Variants in NF1 observed in about 807,000 individuals in gnomAD.
NF1 encodes neurofibromin.
NF1 carries 122 observed loss-of-function variants against 325.7 expected under a neutral mutation model. The observed-to-expected ratio is 0.37, with a 90% CI of 0.32 to 0.44. The LOEUF (loss-of-function observed/expected upper bound fraction) is 0.44. Among genes scored for constraint, NF1 ranks in the 20% least tolerant of loss-of-function variants. The probability of loss-of-function intolerance (pLI) is 1.00; values close to 1 mark genes in which losing one functional copy is unlikely to be tolerated. For missense variants in NF1, 2,140 were observed against 3,415.4 expected (o/e 0.63, Z 9.31); for synonymous variants, 1,091 against 1,186.0 (o/e 0.92, Z 1.65).
intron 1 of NF1, among the ~76,000 whole-genome samples, chr17:31,115,626 G>C (rs1446852070): frequency 3.3e-5 from 5 of 152,172 alleles, no homozygotes; most frequent in Admixed American, 3.3e-4. Flanking sequence ...TAGACCAGCT[G>C]CTTCTGGGTG....
intron 13 of NF1, among the ~76,000 whole-genome samples, chr17:31,214,790 C>A (rs529037270): frequency 6.6e-6 from 1 of 152,272 alleles, no homozygotes; most frequent in East Asian, 1.9e-4. Flanking sequence ...TTGCCCTTAT[C>A]ATTTCCTAAC....
At chr17:31,284,212 C>T (rs200096767) in intron 36 of NF1, among the ~76,000 whole-genome samples, 3 of 152,022 alleles carry the variant, frequency 2.0e-5, no homozygotes, top group African/African-American at 7.3e-5. Context: ...AGCAATTCTC[C>T]TGCCTCAGCC....
At chr17:31,097,438 A>G (rs1241478532) in intron 1 of NF1, among the ~76,000 whole-genome samples, 1 of 143,756 alleles carries the variant, frequency 7.0e-6, no homozygotes, top group Non-Finnish European at 1.5e-5. Context: ...AGCCTGGGCG[A>G]CAGAGCGAGA....
intron 5 of NF1, among the ~76,000 whole-genome samples, chr17:31,176,999 G>A (rs539327809): frequency 2.0e-5 from 3 of 152,210 alleles, no homozygotes; most frequent in South Asian, 2.1e-4. Context: ...CTCTTTTCTG[G>A]TTTCATATGA....
intron 1 of NF1, among the ~76,000 whole-genome samples, chr17:31,124,305 T>A (rs1324521149): frequency 6.6e-6 from 1 of 151,996 alleles, no homozygotes; most frequent in Non-Finnish European, 1.5e-5. Flanking sequence ...CCCCAAGGAA[T>A]CCTCTTACCT....
In NF1 at chr17:31,195,820, A is replaced by G. The variant is rs200971847; in HGVS notation, c.889-4602A>G. On this transcript the variant is annotated intron_variant, in intron 8 of 57. Coordinates refer to ENST00000358273, the MANE Select transcript of NF1 (RefSeq NM_001042492.3). ...GTATATATATACCAACATTTTATTT[A>G]TCTAAATTCATCTGCCAATGGATTT... Among the ~76,000 whole-genome samples the G allele has an allele frequency of 2.0e-4, 31 of 152,006 alleles. No homozygotes were observed. The East Asian group carries it at 5.8e-3, about 28-fold the overall frequency.
Position 31,233,364 on chromosome 17 carries a change from G to C in NF1, c.3708+151G>C, listed in dbSNP as rs187822673. 6 of 815,632 alleles carry C rather than the reference G, an allele frequency of 7.4e-6. No individual in the cohort carries two copies. The Admixed American group carries it at 1.2e-4, about 16-fold the overall frequency. 50.5% of individuals were successfully genotyped at this position (815,632 alleles called of 1,614,324 possible). A position where few individuals can be genotyped will look rare whatever the true frequency, so the allele number is the denominator to read the frequency against. On this transcript the variant is annotated intron_variant, in intron 27 of 57. Transcript: ENST00000358273. ...AGTTAGGTGATTTTTCAGCTGTAGG[G>C]AAGTGGTTGGCACCACTAGACCTGA...
chr17:31,225,070 AG>A, intron 16 of NF1, 24 bp from the exon 17 acceptor site: 3 of 1,612,102 alleles, frequency 1.9e-6, no homozygotes, highest in Non-Finnish European at 2.5e-6. Context: ...GCTTCAGTAA[AG>A]CTTATTTATT....
At chr17:31,149,346 A>G (rs1441701307) in intron 1 of NF1, among the ~76,000 whole-genome samples, 2 of 152,034 alleles carry the variant, frequency 1.3e-5, no homozygotes, top group African/African-American at 4.8e-5. Flanking sequence ...TCTGTTGCCC[A>G]GGCTGGAGTG....
chr17:31,252,989 A>T lies in NF1; in HGVS notation c.4162A>T (p.Asn1388Tyr). 6.2e-7 allele frequency: 1 copy of T among 1,613,238 alleles called. No homozygotes were observed. ...NKATVKEKKE[N>Y]KKSVVSQRFP... Reference sequence around the variant, plus strand: ...AGCTACAGTAAAAGAAAAAAAGGAAAACAAAAAATCAGTAAGTTTGGAGAA... The same window carrying T: ...AGCTACAGTAAAAGAAAAAAAGGAATACAAAAAATCAGTAAGTTTGGAGAA... Residue 1388 changes from asparagine (N) to tyrosine (Y), a missense_variant, in exon 31 of 58, where the codon AAC becomes TAC. Coordinates refer to ENST00000358273, the MANE Select transcript of NF1 (RefSeq NM_001042492.3).
At chr17:31,121,395 CTTTTT>C (rs71142019) in intron 1 of NF1, among the ~76,000 whole-genome samples, 1 of 92,526 alleles carries the variant, frequency 1.1e-5, no homozygotes. Flanking sequence ...AATCACTATT[CTTTTT>C]TTTTTTTTTT....
chr17:31,293,108 G>A (rs2068376159), intron 36 of NF1, among the ~76,000 whole-genome samples: 1 of 140,588 alleles, frequency 7.1e-6, no homozygotes, highest in South Asian at 2.4e-4. Flanking sequence ...AACCTGGGAG[G>A]GGGAGATTGC....
chr17:31,328,613 C>T (rs2069406198), intron 38 of NF1, among the ~76,000 whole-genome samples: 1 of 152,158 alleles, frequency 6.6e-6, no homozygotes, highest in South Asian at 2.1e-4. Context: ...TCCCTGCCAG[C>T]ATCTCCTTGC....
In NF1 at chr17:31,258,600, C is replaced by T. The variant is rs1219514203; in HGVS notation, c.4332+98C>T. ...TCCTCTTACATTTATATTTGAAATA[C>T]CCTATGGTTTTCAGTTATGTGCTTT... is the stretch of plus-strand genomic sequence containing the variant. On this transcript the variant is annotated intron_variant, in intron 32 of 57. Transcript: ENST00000358273. The T allele has an allele frequency of 4.0e-6, 5 of 1,262,750 alleles. No individual in the cohort carries two copies. The East Asian group carries it at 1.2e-4, about 31-fold the overall frequency. 78.2% of individuals were successfully genotyped at this position (1,262,750 alleles called of 1,614,324 possible).
At position 31,259,239 on chromosome 17, in the gene NF1, T is replaced by C; in HGVS notation, c.4430+110T>C. 4.2e-6 allele frequency: 3 copies of C among 721,420 alleles called. No individual in the cohort carries two copies. In the South Asian group the frequency reaches 4.7e-5, roughly 11 times the overall value. The allele number at this position is 721,420 out of a possible 1,614,324, so 44.7% of individuals were successfully genotyped here. A position where few individuals can be genotyped will look rare whatever the true frequency, so the allele number is the denominator to read the frequency against. ...AAGTTCCTGTGTAAGTTTTTTTCTT[T>C]TCCTGCTCTAGGTCAAGACATAGCT... On this transcript the variant is annotated intron_variant, in intron 33 of 57. Transcript: ENST00000358273.
Position 31,374,239 on chromosome 17 carries a change from A to C in NF1, c.*84A>C. The C allele has an allele frequency of 3.2e-6, 5 of 1,543,280 alleles. No individual in the cohort carries two copies. The highest frequency in any genetic ancestry group is 4.5e-6 in the Non-Finnish European group (5 of 1,118,290). On this transcript the variant is annotated 3_prime_UTR_variant, in exon 58 of 58. Transcript: ENST00000358273. The stretch of plus-strand genomic sequence containing the variant: ...TTCCCTGTCCTTGCCCTTTCCCCCC[A>C]TGTTGTAATGCTGCACTTCCTGTTT...
At chr17:31,152,447 A>G (rs1044241324) in intron 1 of NF1, among the ~76,000 whole-genome samples, 5 of 145,706 alleles carry the variant, frequency 3.4e-5, no homozygotes, top group Admixed American at 6.9e-5. Context: ...ATGTATGTTG[A>G]ATCTTCTTTT....
At chr17:31,333,764 T>G (rs1224660401) in intron 39 of NF1, among the ~76,000 whole-genome samples, 1 of 152,236 alleles carries the variant, frequency 6.6e-6, no homozygotes, top group Non-Finnish European at 1.5e-5. Context: ...ATGTACTCAG[T>G]GCCACTGAAC....
intron 36 of NF1, among the ~76,000 whole-genome samples, chr17:31,275,895 TTTATAAAGAATAGGACACAGGGCCAG>T (rs1232869318): frequency 6.6e-6 from 1 of 152,062 alleles, no homozygotes; most frequent in Non-Finnish European, 1.5e-5. Flanking sequence ...ATAGTGAGTG[TTTATAAAGAATAGGACACAGGGCCAG>T]TTATAAAGAA....
Sources: gnomAD v4.1 joint callset for allele counts (sites outside exome capture counted in the v4.1 genomes callset) on GRCh38, gnomAD v4.1.1 for gene constraint, MANE v1.5 for transcripts, NCBI Gene and HGNC (gene_info 2026-07-23, HGNC 2026-07-21) for gene names.